The following PRKG1 variants were observed in gnomAD, a reference collection of about 807,000 sequenced individuals.
PRKG1 encodes cGMP-dependent protein kinase 1.
PRKG1 carries 35 observed loss-of-function variants against 88.1 expected under a neutral mutation model. The ratio of observed to expected loss-of-function variants is 0.40; its 90% CI spans 0.30 to 0.53. The LOEUF (loss-of-function observed/expected upper bound fraction) is 0.53, where lower values mean the gene tolerates loss of function less well. Among genes scored for constraint, PRKG1 ranks in the 20% least tolerant of loss-of-function variants. The pLI is 0.59. For missense variants in PRKG1, 540 were observed against 839.8 expected (o/e 0.64, Z 4.41); for synonymous variants, 303 against 292.5 (o/e 1.04, Z -0.37).
At chr10:52,071,943 CAGAG>C (rs1024447294) in intron 7 of PRKG1, among the ~76,000 whole-genome samples, 1 of 152,102 alleles carries the variant, frequency 6.6e-6, no homozygotes, top group African/African-American at 2.4e-5. Flanking sequence ...CTTGGGCTGA[CAGAG>C]AGAGTTATTT....
chr10:51,588,978 C>G (rs1344440850), intron 3 of PRKG1, among the ~76,000 whole-genome samples: 3 of 151,872 alleles, frequency 2.0e-5, no homozygotes, highest in African/African-American at 7.3e-5. Context: ...TTGCATGCAG[C>G]TGTTTTTTTG....
intron 5 of PRKG1, among the ~76,000 whole-genome samples, chr10:52,014,585 C>T (rs1224828990): frequency 6.6e-6 from 1 of 152,182 alleles, no homozygotes; most frequent in Non-Finnish European, 1.5e-5. Flanking sequence ...ATTAATCATG[C>T]CTTTCCAACA....
chr10:51,161,759 T>C (rs1400417013), intron 2 of PRKG1, among the ~76,000 whole-genome samples: 1 of 152,228 alleles, frequency 6.6e-6, no homozygotes, highest in Non-Finnish European at 1.5e-5. Context: ...TATCAATCTC[T>C]CCATTCTTCA....
At chr10:51,386,862 T>G (rs1837265423) in intron 2 of PRKG1, among the ~76,000 whole-genome samples, 2 of 152,320 alleles carry the variant, frequency 1.3e-5, no homozygotes, top group South Asian at 4.1e-4. Flanking sequence ...AATGGTTACC[T>G]GCTTTGGAAT....
intron 3 of PRKG1, among the ~76,000 whole-genome samples, chr10:51,494,605 G>A (rs1013624765): frequency 2.0e-5 from 3 of 152,092 alleles, no homozygotes; most frequent in African/African-American, 7.2e-5. Context: ...AGGCAAAAAT[G>A]GTAATTACAA....
chr10:51,192,816 C>T (rs945624273), intron 2 of PRKG1, among the ~76,000 whole-genome samples: 3 of 151,890 alleles, frequency 2.0e-5, no homozygotes, highest in South Asian at 2.1e-4. Flanking sequence ...AGTAACATCA[C>T]GTAGAATGGC....
chr10:51,900,153 C>T (rs1474933426), intron 4 of PRKG1, among the ~76,000 whole-genome samples: 1 of 152,140 alleles, frequency 6.6e-6, no homozygotes, highest in African/African-American at 2.4e-5. Context: ...GCAAAACAGA[C>T]TAACATACAT....
intron 9 of PRKG1, among the ~76,000 whole-genome samples, chr10:52,229,484 A>G (rs1840472934): frequency 6.6e-6 from 1 of 152,190 alleles, no homozygotes; most frequent in Non-Finnish European, 1.5e-5. Context: ...AGTAAGCCCC[A>G]GGAAAATGGA....
chr10:51,907,009 T>C (rs143980189), intron 4 of PRKG1, among the ~76,000 whole-genome samples: 153 of 152,310 alleles, frequency 1.0e-3, no homozygotes, highest in Admixed American at 2.7e-3. Flanking sequence ...AAGATTTCTA[T>C]TTCTATTTGA....
At chr10:50,993,335 T>C (rs1294589075) in intron 1 of PRKG1, among the ~76,000 whole-genome samples, 1 of 152,188 alleles carries the variant, frequency 6.6e-6, no homozygotes, top group African/African-American at 2.4e-5. Context: ...ACTTACGAAT[T>C]AACACTGTGT....
rs570529941 is a variant in PRKG1 at position 51,206,488 on chromosome 10, T to G, written c.478+53158T>G. 2.8e-5 allele frequency among the ~76,000 whole-genome samples: 4 copies of G among 140,910 alleles called. No homozygotes were observed. The East Asian group carries it at 8.2e-4, about 29-fold the overall frequency. 92.4% of individuals were successfully genotyped at this position (140,910 alleles called of 152,430 possible). A position where few individuals can be genotyped will look rare whatever the true frequency, so the allele number is the denominator to read the frequency against. Reference sequence around the variant, plus strand: ...GCCTGGGTGACAGAGCAAAACTCCATCTAAAAAAAAAAAAAAAAGAATGGA... The same window carrying G: ...GCCTGGGTGACAGAGCAAAACTCCAGCTAAAAAAAAAAAAAAAAGAATGGA... On this transcript the variant is annotated intron_variant, in intron 2 of 17. Transcript: ENST00000373980.
intron 5 of PRKG1, among the ~76,000 whole-genome samples, chr10:51,970,085 T>G (rs184428144): frequency 3.3e-5 from 5 of 151,256 alleles, no homozygotes; most frequent in Admixed American, 6.6e-5. Context: ...TTTAATTCCC[T>G]GAACCATTAT....
chr10:51,218,378 G>A (rs570920107), intron 2 of PRKG1, among the ~76,000 whole-genome samples: 1 of 151,388 alleles, frequency 6.6e-6, no homozygotes, highest in East Asian at 1.9e-4. Context: ...TGAGATCACA[G>A]TTGGGCAAGA....
intron 3 of PRKG1, among the ~76,000 whole-genome samples, chr10:51,581,019 T>G (rs1162019911): frequency 1.3e-5 from 2 of 152,030 alleles, no homozygotes; most frequent in Admixed American, 6.6e-5. Flanking sequence ...GGGGGGTCAC[T>G]GCCTTCTGGT....
intron 2 of PRKG1, among the ~76,000 whole-genome samples, chr10:51,154,198 T>C (rs1351533576): frequency 6.6e-6 from 1 of 152,034 alleles, no homozygotes; most frequent in East Asian, 1.9e-4. Context: ...TCACTTAATT[T>C]CTCTGTTTCA....
intron 5 of PRKG1, among the ~76,000 whole-genome samples, chr10:51,918,287 T>A (rs1842387906): frequency 6.6e-6 from 1 of 152,204 alleles, no homozygotes; most frequent in African/African-American, 2.4e-5. Flanking sequence ...CCTGACTCTT[T>A]CTTTTAAATA....
At chr10:52,089,023 T>G (rs963486685) in intron 7 of PRKG1, among the ~76,000 whole-genome samples, 1 of 152,234 alleles carries the variant, frequency 6.6e-6, no homozygotes, top group African/African-American at 2.4e-5. Flanking sequence ...AATGAACACG[T>G]TATTTTTAGA....
intron 3 of PRKG1, among the ~76,000 whole-genome samples, chr10:51,651,334 A>G (rs888657694): frequency 1.3e-5 from 2 of 152,066 alleles, no homozygotes; most frequent in African/African-American, 4.8e-5. Flanking sequence ...TCCTCCTCTG[A>G]CACAACCTGT....
chr10:51,162,251 C>G (rs1396182740), intron 2 of PRKG1, among the ~76,000 whole-genome samples: 1 of 152,086 alleles, frequency 6.6e-6, no homozygotes, highest in Non-Finnish European at 1.5e-5. Context: ...ACCCCCACCA[C>G]AGAGAACATC....
Sources: gnomAD v4.1 joint callset for allele counts (sites outside exome capture counted in the v4.1 genomes callset) on GRCh38, gnomAD v4.1.1 for gene constraint, MANE v1.5 for transcripts, NCBI Gene and HGNC (gene_info 2026-07-23, HGNC 2026-07-21) for gene names.